FBLN2: variants seen among roughly 807,000 people sequenced by gnomAD.
The protein encoded by FBLN2 is fibulin-2.
In FBLN2, 81 loss-of-function variants were observed where a neutral mutation model predicts 123.7. That is an observed-to-expected ratio of 0.65 (90% CI 0.55 to 0.79). The LOEUF is 0.79. Among genes scored for constraint, FBLN2 ranks in the 30% least tolerant of loss-of-function variants. The pLI is 0.00. For missense variants in FBLN2, 1,603 were observed against 1,681.3 expected, an observed-to-expected ratio of 0.95 and a Z score of 0.81; for synonymous variants, 699 against 701.4, an observed-to-expected ratio of 1.00 and a Z score of 0.05.
chr3:13,618,740 A>G (rs1705724993), intron 6 of FBLN2, among the ~76,000 whole-genome samples, 164 bp from the exon 7 acceptor site: 1 of 151,460 alleles, frequency 6.6e-6, no homozygotes, highest in Admixed American at 6.6e-5. Context: ...GATCTTTCCC[A>G]AGGTATATGC....
intron 9 of FBLN2, among the ~76,000 whole-genome samples, chr3:13,624,282 A>G (rs1705950545): frequency 6.6e-6 from 1 of 152,172 alleles, no homozygotes; most frequent in South Asian, 2.1e-4. Flanking sequence ...GGGCTTGCAG[A>G]ACGATGTCCT....
rs747111063 is a variant in FBLN2 at position 13,629,909 on chromosome 3, G to A, written c.2932G>A (p.Gly978Arg). Residue 978 changes from glycine (G) to arginine (R), a missense_variant, in exon 14 of 18, where the codon GGG (glycine) becomes AGG (arginine). Gly to Arg is a moderately radical substitution (Grantham distance 125). Coordinates refer to ENST00000404922, the MANE Select transcript of FBLN2 (RefSeq NM_001004019.2). Reference sequence around the variant, plus strand: ...CTCCTACCGCTGTTCCTGCGCCTCCGGGTTCCTGCTAGCAGCGGACGGCAA... The same window carrying A: ...CTCCTACCGCTGTTCCTGCGCCTCCAGGTTCCTGCTAGCAGCGGACGGCAA... ...LGSYRCSCAS[G>R]FLLAADGKRC... 5.6e-6 allele frequency: 9 copies of A among 1,609,054 alleles called. No homozygotes were observed. Among genetic ancestry groups the A allele is most frequent in the East Asian group, 4.5e-5 (2 of 44,730 alleles).
chr3:13,620,040 T>A (rs1003491053), intron 8 of FBLN2, among the ~76,000 whole-genome samples: 1 of 152,166 alleles, frequency 6.6e-6, no homozygotes, highest in Non-Finnish European at 1.5e-5. Context: ...AGGGTGGGCC[T>A]GCAGTGTGGC....
At chr3:13,635,912 G>C (rs573016314) in intron 16 of FBLN2, among the ~76,000 whole-genome samples, 12 of 152,338 alleles carry the variant, frequency 7.9e-5, no homozygotes, top group Admixed American at 4.6e-4. Context: ...TGATAAAATG[G>C]GGTGGGATGG....
At chr3:13,570,254 T>A in intron 1 of FBLN2, 61 bp from the exon 2 acceptor site, 1 of 1,434,256 alleles carries the variant, frequency 7.0e-7, no homozygotes, top group South Asian at 1.5e-5. Flanking sequence ...TGCGTGCCGG[T>A]GTGCACCGTG....
rs1209776700 is a variant in FBLN2, at chr3:13,571,526, A to G, written c.1171A>G (p.Thr391Ala). 1.2e-6 allele frequency: 2 copies of G among 1,613,508 alleles called. No individual in the cohort carries two copies. The highest frequency in any genetic ancestry group is 1.7e-6 in the Non-Finnish European group (2 of 1,179,826). The change falls in exon 2 of 18, where the codon ACA (threonine) becomes GCA (alanine). Residue 391 changes from threonine (T) to alanine (A), a missense_variant. Physicochemically the swap from Thr to Ala is moderately conservative, Grantham distance 58. Transcript: ENST00000404922. ...GCCCAGCCCCCACAACATCCTGTCCACATCACTGCCTGATGCAGCCTGGAT... is the reference window on the plus strand; with the variant it reads ...GCCCAGCCCCCACAACATCCTGTCCGCATCACTGCCTGATGCAGCCTGGAT... ...VKPSPHNILS[T>A]SLPDAAWIPP...
Position 13,637,791 on chromosome 3 carries a change from T to C in FBLN2, c.3568T>C (p.Tyr1190His), listed in dbSNP as rs1433211346. The change falls in exon 18 of 18, where the codon TAC (tyrosine) becomes CAC (histidine). Residue 1190 changes from tyrosine to histidine, a missense_variant. Transcript: ENST00000404922. ...GCTCAATGCCTACACGGGTGTGGTC[T>C]ACCTGCAGCGGGCCGTGCTGGAGCC... is the stretch of plus-strand genomic sequence containing the variant. ...RRLNAYTGVVYLQRAVLEPRD... is the reference protein window; with the variant it reads ...RRLNAYTGVVHLQRAVLEPRD... 3 of 1,613,816 alleles carry C rather than the reference T, an allele frequency of 1.9e-6. No individual in the cohort carries two copies. In the Admixed American group the frequency reaches 5.0e-5, roughly 27 times the overall value.
At chr3:13,618,401 G>A in intron 6 of FBLN2, 116 bp downstream of exon 6, 2 of 911,960 alleles carry the variant, frequency 2.2e-6, no homozygotes, top group Non-Finnish European at 3.3e-6. Flanking sequence ...CCCACAAGTT[G>A]GAACCCACAG....
intron 2 of FBLN2, among the ~76,000 whole-genome samples, chr3:13,580,717 C>T (rs1338814513): frequency 6.6e-6 from 1 of 152,200 alleles, no homozygotes; most frequent in African/African-American, 2.4e-5. Flanking sequence ...CTGCCATTCT[C>T]GCTAAACCAA....
chr3:13,638,179 G>T lies in FBLN2; in HGVS notation c.*260G>T. The T allele has an allele frequency of 1.6e-6, 1 of 641,484 alleles. No homozygotes were observed. The highest frequency in any genetic ancestry group is 1.6e-5 in the South Asian group (1 of 61,604). 39.7% of individuals were successfully genotyped at this position (641,484 alleles called of 1,614,324 possible). A position where few individuals can be genotyped will look rare whatever the true frequency, so the allele number is the denominator to read the frequency against. On this transcript the variant is annotated 3_prime_UTR_variant, in exon 18 of 18. Transcript: ENST00000404922. The stretch of plus-strand genomic sequence containing the variant: ...GCGGGTGCCCTGTGGGTGAGGCTGG[G>T]TGATGACCTGAGGACCAGAGACACG...
intron 1 of FBLN2, among the ~76,000 whole-genome samples, chr3:13,565,071 C>T (rs1388947511): frequency 6.6e-6 from 1 of 152,184 alleles, no homozygotes; most frequent in Non-Finnish European, 1.5e-5. Flanking sequence ...GAGACTCACA[C>T]TGTGTGCTGA....
intron 1 of FBLN2, among the ~76,000 whole-genome samples, chr3:13,565,939 A>G (rs904888092): frequency 3.3e-5 from 5 of 152,258 alleles, no homozygotes; most frequent in African/African-American, 7.2e-5. Flanking sequence ...CATAAGAATG[A>G]TAATAATACC....
chr3:13,577,582 C>T (rs2124835451), intron 2 of FBLN2, among the ~76,000 whole-genome samples: 1 of 152,290 alleles, frequency 6.6e-6, no homozygotes, highest in Admixed American at 6.5e-5. Flanking sequence ...GGATCCCTGG[C>T]TAGGAGGAGT....
Position 13,631,473 on chromosome 3 carries a change from C to G in FBLN2, c.3214+16C>G. On this transcript the variant is annotated intron_variant, in intron 16 of 17. Transcript: ENST00000404922. ...TCCTGCAAGGGTGAGCAAGTCCCCC[C>G]ACACGCCCCCGCCTCCATCAGGGCC... 1 of 1,571,756 alleles carries G rather than the reference C, an allele frequency of 6.4e-7. No individual in the cohort carries two copies. Among genetic ancestry groups the G allele is most frequent in the South Asian group, 1.2e-5 (1 of 85,732 alleles).
chr3:13,627,910 G>T lies in FBLN2; in HGVS notation c.2510G>T (p.Cys837Phe). ...CAGAACACCAAGGGCTCCTTCTACT[G>T]CCAGGCCAGGCAGCGCTGCATGGAT... ...LCQNTKGSFY[C>F]QARQRCMDGF... is the part of the protein sequence containing the mutation. The change falls in exon 11 of 18, where the codon TGC becomes TTC. Residue 837 changes from cysteine to phenylalanine, a missense_variant. By Grantham distance (205) the Cys-to-Phe change is radical (BLOSUM62 -2). Coordinates refer to ENST00000404922, the MANE Select transcript of FBLN2 (RefSeq NM_001004019.2). 3 of 1,613,878 alleles carry T rather than the reference G, an allele frequency of 1.9e-6. No individual in the cohort carries two copies. The East Asian group carries it at 6.7e-5, about 36-fold the overall frequency.
rs200026852 is a variant in FBLN2 at position 13,629,060 on chromosome 3, C to T, written c.2713+12C>T. ...GACCAAGTGTGTGGGTAAGGCCAGC[C>T]GCCTCCGCCCTGCCAGCCAGCCCGG... On this transcript the variant is annotated intron_variant, in intron 12 of 17. Coordinates refer to ENST00000404922, the MANE Select transcript of FBLN2 (RefSeq NM_001004019.2). The T allele has an allele frequency of 1.6e-5, 26 of 1,612,726 alleles. No homozygotes were observed. Among genetic ancestry groups the T allele is most frequent in the Admixed American group, 6.7e-5 (4 of 59,932 alleles).
At chr3:13,575,885 T>C (rs1704124399) in intron 2 of FBLN2, among the ~76,000 whole-genome samples, 1 of 152,180 alleles carries the variant, frequency 6.6e-6, no homozygotes, top group Admixed American at 6.5e-5. Flanking sequence ...GCCTGTGACC[T>C]GGTGCTGCTA....
rs373881539 is a variant in FBLN2, at chr3:13,637,543, C to A, written c.3339-19C>A. The stretch of plus-strand genomic sequence containing the variant: ...GGGGGTGGGCGAGCTGTGGGTGACC[C>A]GGCCTATCCTCCCTGCAGGAAGTGC... On this transcript the variant is annotated intron_variant, in intron 17 of 17. Transcript: ENST00000404922. 1.9e-6 allele frequency: 3 copies of A among 1,576,206 alleles called. No individual in the cohort carries two copies. In the African/African-American group the frequency reaches 4.0e-5, roughly 21 times the overall value.
chr3:13,571,822 A>G (rs2124825741), intron 2 of FBLN2, among the ~76,000 whole-genome samples, 161 bp downstream of exon 2: 1 of 140,462 alleles, frequency 7.1e-6, no homozygotes, highest in East Asian at 2.5e-4. Context: ...GGAGGCTGTG[A>G]GAGTGCATCT....
Sources: allele counts gnomAD v4.1 joint callset (sites outside exome capture counted in the v4.1 genomes callset), GRCh38; gene constraint gnomAD v4.1.1; transcripts MANE v1.5; gene names NCBI Gene and HGNC (gene_info 2026-07-23, HGNC 2026-07-21).